The following FERMT1 variants were observed in gnomAD, a reference collection of about 807,000 sequenced individuals.
FERMT1 encodes FERM domain containing kindlin 1, also known as fermitin family homolog 1.
FERMT1 carries 60 observed loss-of-function variants against 85.3 expected under a neutral mutation model. The ratio of observed to expected loss-of-function variants is 0.70; its 90% CI spans 0.57 to 0.87. The LOEUF is 0.87. FERMT1 is among the 40% of genes least tolerant of loss of function. The pLI is 0.00. For synonymous variants in FERMT1, 275 were observed against 301.1 expected (o/e 0.91, Z 0.90); for missense variants, 701 against 818.9 (o/e 0.86, Z 1.76).
intron 8 of FERMT1, among the ~76,000 whole-genome samples, chr20:6,096,079 T>C (rs1397608040): frequency 6.6e-6 from 1 of 152,230 alleles, no homozygotes; most frequent in Non-Finnish European, 1.5e-5. Flanking sequence ...CAAAACAGTT[T>C]TCTTTGTTTT....
At chr20:6,111,702 T>C (rs1452069629) in intron 4 of FERMT1, among the ~76,000 whole-genome samples, 1 of 151,762 alleles carries the variant, frequency 6.6e-6, no homozygotes, top group Non-Finnish European at 1.5e-5. Flanking sequence ...AAGCTAGAGA[T>C]TTGATTGTTT....
chr20:6,099,529 A>G (rs1982600205), intron 6 of FERMT1, among the ~76,000 whole-genome samples: 1 of 152,224 alleles, frequency 6.6e-6, no homozygotes. Flanking sequence ...CACTTATATA[A>G]ACTATCTAGA....
At chr20:6,097,689 A>G (rs566462047) in intron 6 of FERMT1, 58 bp from the exon 7 acceptor site, 124 of 1,183,302 alleles carry the variant, frequency 1.0e-4, no homozygotes, top group Non-Finnish European at 1.5e-4. Flanking sequence ...CCACAATACA[A>G]AGATTCTGAA....
chr20:6,100,912 T>C (rs1982644044), intron 6 of FERMT1, among the ~76,000 whole-genome samples: 1 of 152,206 alleles, frequency 6.6e-6, no homozygotes, highest in African/African-American at 2.4e-5. Flanking sequence ...ATGTCCATCA[T>C]ATACACAGTA....
chr20:6,110,771 A>C (rs768363122), intron 4 of FERMT1, among the ~76,000 whole-genome samples: 1 of 152,148 alleles, frequency 6.6e-6, no homozygotes. Context: ...AAAAACAAAC[A>C]AACAAACAAA....
chr20:6,077,386 G>GTTGTCA, intron 14 of FERMT1, 40 bp from the exon 15 acceptor site: 1 of 1,607,116 alleles, frequency 6.2e-7, no homozygotes, highest in Non-Finnish European at 8.5e-7. Flanking sequence ...ACTCTGACAA[G>GTTGTCA]GAATGATGAA....
chr20:6,120,850 G>C (rs1983253311), intron 1 of FERMT1, among the ~76,000 whole-genome samples: 1 of 152,056 alleles, frequency 6.6e-6, no homozygotes, highest in Admixed American at 6.6e-5. Context: ...CTGGTCTGTG[G>C]GTATACTCAG....
intron 14 of FERMT1, 131 bp from the exon 15 acceptor site, chr20:6,077,477 A>G: frequency 1.2e-6 from 1 of 820,138 alleles, no homozygotes; most frequent in Non-Finnish European, 2.0e-6. Flanking sequence ...TCTAAAACAC[A>G]CAGAAAACCA....
intron 3 of FERMT1, 128 bp from the exon 4 acceptor site, chr20:6,112,751 C>T: frequency 1.6e-6 from 1 of 628,716 alleles, no homozygotes; most frequent in Non-Finnish European, 2.6e-6. Flanking sequence ...GACTAAACTG[C>T]ATCCCTTTTG....
chr20:6,116,871 G>A (rs1983117579), intron 2 of FERMT1, among the ~76,000 whole-genome samples: 1 of 152,174 alleles, frequency 6.6e-6, no homozygotes, highest in Non-Finnish European at 1.5e-5. Flanking sequence ...GGCCCTTTCT[G>A]AGAAAGCATC....
chr20:6,106,392 A>G (rs1450758595), intron 6 of FERMT1, among the ~76,000 whole-genome samples: 1 of 152,164 alleles, frequency 6.6e-6, no homozygotes, highest in African/African-American at 2.4e-5. Context: ...TGCCTCTTAC[A>G]AGAGGTGGAA....
chr20:6,098,011 G>A (rs915413694), intron 6 of FERMT1, among the ~76,000 whole-genome samples: 15 of 151,612 alleles, frequency 9.9e-5, no homozygotes, highest in Non-Finnish European at 1.8e-4. Context: ...AGATGGTTTC[G>A]CCATGTTGCC....
rs1240269135 is a variant in FERMT1 at position 6,085,271 on chromosome 20, T to G, written c.1388A>C (p.Gln463Pro). Residue 463 changes from glutamine to proline, a missense_variant, in exon 12 of 15, where the codon CAA (glutamine) becomes CCA (proline). Physicochemically the swap from Gln to Pro is moderately conservative, Grantham distance 76 (BLOSUM62 -1). Coordinates refer to ENST00000217289, the MANE Select transcript of FERMT1 (RefSeq NM_017671.5). The stretch of plus-strand genomic sequence containing the variant: ...TGCCAACATGCAGGCAGCCATCCAT[T>G]GGGCGTATTGATTCTCCTGCAGCAA... ...LRCDHENQYA[Q>P]WMAACMLASK... The G allele has an allele frequency of 6.2e-7, 1 of 1,613,604 alleles. No individual in the cohort carries two copies. Among genetic ancestry groups the G allele is most frequent in the East Asian group, 2.2e-5 (1 of 44,874 alleles).
In FERMT1 at chr20:6,097,499, A is replaced by G. The variant is rs1234941238; in HGVS notation, c.957+25T>C. On this transcript the variant is annotated intron_variant, in intron 7 of 14. Transcript: ENST00000217289. ...ACAAACTTGGTTTGTCTCCTTCCAG[A>G]GAAAAGGTACTGAAGTTCCCATACC... The G allele has an allele frequency of 2.6e-6, 4 of 1,527,474 alleles. No homozygotes were observed. In the African/African-American group the frequency reaches 4.1e-5, roughly 16 times the overall value. 94.6% of individuals were successfully genotyped at this position (1,527,474 alleles called of 1,614,324 possible). A position where few individuals can be genotyped will look rare whatever the true frequency, so the allele number is the denominator to read the frequency against.
intron 13 of FERMT1, 60 bp from the exon 14 acceptor site, chr20:6,079,637 C>T: frequency 6.8e-7 from 1 of 1,468,286 alleles, no homozygotes; most frequent in Non-Finnish European, 9.5e-7. Flanking sequence ...ACAATGTTCA[C>T]TCACATATAA....
intron 11 of FERMT1, among the ~76,000 whole-genome samples, chr20:6,086,002 C>T (rs548691759): frequency 1.3e-5 from 2 of 151,838 alleles, no homozygotes; most frequent in African/African-American, 4.8e-5. Flanking sequence ...ATTAGCCAGG[C>T]GTGGTGGCAG....
chr20:6,085,812 G>T (rs370886481), intron 11 of FERMT1, among the ~76,000 whole-genome samples: 1 of 150,646 alleles, frequency 6.6e-6, no homozygotes, highest in Non-Finnish European at 1.5e-5. Context: ...TTGCACAAAC[G>T]CACTCGAGCC....
intron 2 of FERMT1, among the ~76,000 whole-genome samples, chr20:6,116,291 C>T (rs1269668425): frequency 6.6e-6 from 1 of 151,940 alleles, no homozygotes; most frequent in Non-Finnish European, 1.5e-5. Flanking sequence ...GATGGGACAG[C>T]AAACCATCAT....
intron 4 of FERMT1, among the ~76,000 whole-genome samples, chr20:6,111,714 G>C (rs1982956279): frequency 6.6e-6 from 1 of 152,094 alleles, no homozygotes; most frequent in South Asian, 2.1e-4. Context: ...TGATTGTTTT[G>C]ATATAAAAAG....
Sources: gnomAD v4.1 joint callset for allele counts (sites outside exome capture counted in the v4.1 genomes callset) on GRCh38, gnomAD v4.1.1 for gene constraint, MANE v1.5 for transcripts, NCBI Gene and HGNC (gene_info 2026-07-23, HGNC 2026-07-21) for gene names.